The following VPS53 variants were observed in gnomAD, a reference collection of about 807,000 sequenced individuals.
VPS53 encodes vacuolar protein sorting-associated protein 53 homolog.
VPS53 carries 70 observed loss-of-function variants against 107.0 expected under a neutral mutation model. The observed-to-expected ratio is 0.65, with a 90% CI of 0.54 to 0.80. VPS53 has a LOEUF of 0.80. VPS53 is among the 30% of genes least tolerant of loss of function. The probability of loss-of-function intolerance (pLI) is 0.00; values close to 1 mark genes in which losing one functional copy is unlikely to be tolerated. For missense variants in VPS53, 917 were observed against 1,049.4 expected (o/e 0.87, Z 1.74); for synonymous variants, 409 against 393.3 (o/e 1.04, Z -0.47).
At chr17:528,215 C>T (rs1909264804) in intron 19 of VPS53, among the ~76,000 whole-genome samples, 1 of 152,174 alleles carries the variant, frequency 6.6e-6, no homozygotes, top group Non-Finnish European at 1.5e-5. Flanking sequence ...AACACATTAT[C>T]ACCCCAGAAA....
At chr17:544,897 T>A (rs780460374) in intron 17 of VPS53, among the ~76,000 whole-genome samples, 1 of 151,848 alleles carries the variant, frequency 6.6e-6, no homozygotes, top group Non-Finnish European at 1.5e-5. Context: ...CTGGGCAACA[T>A]AGCAAGACCT....
At chr17:665,995 A>G (rs1971667490) in intron 4 of VPS53, among the ~76,000 whole-genome samples, 1 of 151,818 alleles carries the variant, frequency 6.6e-6, no homozygotes, top group Non-Finnish European at 1.5e-5. Flanking sequence ...TAAGAGCAAA[A>G]CTCTGTCCCG....
intron 2 of VPS53, among the ~76,000 whole-genome samples, chr17:701,365 A>G (rs948601374): frequency 6.6e-6 from 1 of 151,660 alleles, no homozygotes; most frequent in African/African-American, 2.4e-5. Context: ...TTTAATTTAT[A>G]TATAATTATA....
intron 12 of VPS53, among the ~76,000 whole-genome samples, chr17:597,735 C>T (rs78302012): frequency 0.013 from 2,038 of 152,100 alleles, 49 homozygotes; most frequent in African/African-American, 0.046. Flanking sequence ...ATGGTTTCAC[C>T]ATGTTGTTTA....
intron 20 of VPS53, among the ~76,000 whole-genome samples, chr17:521,073 CT>C (rs762120307): frequency 4.1e-4 from 63 of 152,216 alleles, no homozygotes; most frequent in Non-Finnish European, 7.9e-4. Flanking sequence ...CATCCCTACT[CT>C]TCAAAATAGC....
intron 12 of VPS53, among the ~76,000 whole-genome samples, chr17:593,737 G>A (rs541297283): frequency 6.6e-6 from 1 of 152,272 alleles, no homozygotes; most frequent in East Asian, 1.9e-4. Context: ...CAACCATTGT[G>A]GAAGTCAGTG....
At chr17:552,604 T>C (rs1911943069) in intron 16 of VPS53, 1 of 154,634 alleles carries the variant, frequency 6.5e-6, no homozygotes, top group African/African-American at 2.4e-5. Context: ...TTATACTTTA[T>C]ACTTTAAAAC....
intron 4 of VPS53, among the ~76,000 whole-genome samples, chr17:677,213 A>G (rs1267643481): frequency 1.3e-5 from 2 of 152,230 alleles, no homozygotes; most frequent in Non-Finnish European, 2.9e-5. Context: ...GTCCATGGAC[A>G]GATGAATGGA....
At position 519,045 on chromosome 17, in the gene VPS53, CG is replaced by C; in HGVS notation, c.*82del. ...TTGAAGACCGACGATGTGAGAGTGCCGGGGAGCACAGGAGAGGTTGGGGGCT... is the reference window on the plus strand; with the variant it reads ...TTGAAGACCGACGATGTGAGAGTGCCGGGAGCACAGGAGAGGTTGGGGGCT... On this transcript the variant is annotated 3_prime_UTR_variant, in exon 22 of 22. Transcript: ENST00000437048. The surrounding 1 kb of genome is among the most constrained non-coding windows in gnomAD (Gnocchi z 5.0). 5 of 1,391,024 alleles carry C rather than the reference CG, an allele frequency of 3.6e-6. No homozygotes were observed. The highest frequency in any genetic ancestry group is 4.8e-6 in the Non-Finnish European group (5 of 1,051,502). 86.2% of individuals were successfully genotyped at this position (1,391,024 alleles called of 1,614,324 possible). A position where few individuals can be genotyped will look rare whatever the true frequency, so the allele number is the denominator to read the frequency against.
chr17:659,988 G>A lies in VPS53; in HGVS notation c.372+1821C>T, dbSNP rs111291484. Among the ~76,000 whole-genome samples, 29 of 152,266 alleles carry A rather than the reference G, an allele frequency of 1.9e-4. 1 individual carries two copies. The highest frequency in any genetic ancestry group is 6.5e-4 in the African/African-American group (27 of 41,562). Reference sequence around the variant, plus strand: ...AGGGGTACTCAGGTCAAACCTACACGAGATCATCTGCGAGACAGAAGGCCC... The same window carrying A: ...AGGGGTACTCAGGTCAAACCTACACAAGATCATCTGCGAGACAGAAGGCCC... On this transcript the variant is annotated intron_variant, in intron 5 of 21. Coordinates refer to ENST00000437048, the MANE Select transcript of VPS53 (RefSeq NM_001128159.3).
At chr17:677,918 G>C (rs1329602421) in intron 4 of VPS53, among the ~76,000 whole-genome samples, 1 of 152,066 alleles carries the variant, frequency 6.6e-6, no homozygotes, top group Non-Finnish European at 1.5e-5. Flanking sequence ...ATGAGTTCAA[G>C]ACCAGTCTGG....
intron 19 of VPS53, among the ~76,000 whole-genome samples, chr17:527,760 C>T (rs1020206031): frequency 1.3e-5 from 2 of 152,144 alleles, no homozygotes; most frequent in East Asian, 3.9e-4. Context: ...ACTACAGGCA[C>T]GTGCCACACT....
chr17:596,823 G>A (rs1168855541), intron 12 of VPS53, among the ~76,000 whole-genome samples: 2 of 152,150 alleles, frequency 1.3e-5, no homozygotes, highest in Non-Finnish European at 2.9e-5. Context: ...TGTTTGGGCC[G>A]GGTTCTGAGT....
intron 4 of VPS53, among the ~76,000 whole-genome samples, chr17:691,468 T>C (rs1328984318): frequency 2.6e-5 from 4 of 152,214 alleles, no homozygotes; most frequent in African/African-American, 9.7e-5. Context: ...AAGATTGTAC[T>C]ACAATTACCT....
intron 3 of VPS53, among the ~76,000 whole-genome samples, chr17:698,874 AAAT>A (rs1567748997): frequency 6.6e-6 from 1 of 152,164 alleles, no homozygotes; most frequent in Non-Finnish European, 1.5e-5. Flanking sequence ...CATATGGATA[AAAT>A]AATTATATGG....
chr17:644,372 C>T (rs1333937770), intron 7 of VPS53, among the ~76,000 whole-genome samples: 1 of 152,226 alleles, frequency 6.6e-6, no homozygotes, highest in African/African-American at 2.4e-5. Context: ...CGCCTGCCAT[C>T]TCCCGCCCCT....
chr17:714,503 C>T (rs1973773002), intron 1 of VPS53, 120 bp downstream of exon 1: 1 of 952,292 alleles, frequency 1.1e-6, no homozygotes, highest in South Asian at 1.5e-5. Flanking sequence ...CCCACCTCCA[C>T]TTTCCCTTCT....
chr17:610,277 T>C (rs1299657786), intron 11 of VPS53, among the ~76,000 whole-genome samples: 1 of 152,136 alleles, frequency 6.6e-6, no homozygotes, highest in Non-Finnish European at 1.5e-5. Flanking sequence ...TCACTGAGTA[T>C]CTATAGAATA....
chr17:566,417 C>G (rs1199415841), intron 13 of VPS53, among the ~76,000 whole-genome samples: 2 of 152,166 alleles, frequency 1.3e-5, no homozygotes, highest in Admixed American at 1.3e-4. Context: ...CCTGTTAACA[C>G]AAGCTCCCTG....
Sources: allele counts gnomAD v4.1 joint callset (sites outside exome capture counted in the v4.1 genomes callset), GRCh38; gene constraint gnomAD v4.1.1; non-coding constraint Gnocchi (gnomAD v3.1); transcripts MANE v1.5; gene names NCBI Gene and HGNC (gene_info 2026-07-23, HGNC 2026-07-21).